The following GRIK2 variants were observed in gnomAD, a reference collection of about 807,000 sequenced individuals.
GRIK2 encodes the protein glutamate ionotropic receptor kainate type subunit 2, also known as glutamate receptor ionotropic, kainate 2.
GRIK2 carries 32 observed loss-of-function variants against 100.3 expected under a neutral mutation model. The observed-to-expected ratio is 0.32, with a 90% CI of 0.24 to 0.43. The LOEUF is 0.43. Among genes scored for constraint, GRIK2 ranks in the 20% least tolerant of loss-of-function variants. GRIK2 has a pLI of 1.00. For synonymous variants in GRIK2, 417 were observed against 389.4 expected (o/e 1.07, Z -0.83); for missense variants, 843 against 1,114.9 (o/e 0.76, Z 3.47).
At chr6:101,616,622 G>A (rs187974873) in intron 2 of GRIK2, among the ~76,000 whole-genome samples, 2 of 151,752 alleles carry the variant, frequency 1.3e-5, no homozygotes, top group African/African-American at 4.8e-5. Context: ...GAACATCCTT[G>A]CAGCTAAATC....
At chr6:101,651,441 C>G (rs909429167) in intron 4 of GRIK2, among the ~76,000 whole-genome samples, 2 of 152,026 alleles carry the variant, frequency 1.3e-5, no homozygotes, top group Admixed American at 6.6e-5. Context: ...TCCCTGCCTC[C>G]CTGGAGTTTA....
At chr6:101,847,989 G>A (rs1783905970) in intron 10 of GRIK2, among the ~76,000 whole-genome samples, 1 of 152,068 alleles carries the variant, frequency 6.6e-6, no homozygotes, top group African/African-American at 2.4e-5. Context: ...CCTTAGGGAA[G>A]CTCCTTATGC....
At chr6:101,710,223 G>A (rs1429094538) in intron 7 of GRIK2, among the ~76,000 whole-genome samples, 1 of 151,756 alleles carries the variant, frequency 6.6e-6, no homozygotes, top group East Asian at 1.9e-4. Flanking sequence ...GTGATGACAA[G>A]GCAGTTGTAG....
chr6:101,954,896 G>A (rs1252001364), intron 14 of GRIK2, among the ~76,000 whole-genome samples: 1 of 152,064 alleles, frequency 6.6e-6, no homozygotes, highest in Non-Finnish European at 1.5e-5. Flanking sequence ...TTGATTGAGT[G>A]CTTTTCAATC....
intron 11 of GRIK2, among the ~76,000 whole-genome samples, chr6:101,879,678 AT>A (rs34632401): frequency 2.0e-4 from 30 of 147,198 alleles, no homozygotes; most frequent in Admixed American, 2.0e-4. Context: ...ATCTCACTAC[AT>A]TTTTTTTTTT....
chr6:101,889,617 T>TTTTTTTTTTTTTTTTTTTTTTTTTTA, intron 11 of GRIK2, 23 bp from the exon 12 acceptor site: 1 of 1,049,994 alleles, frequency 9.5e-7, no homozygotes. Context: ...TTTTTTTTTT[T>TTTTTTTTTTTTTTTTTTTTTTTTTTA]TTTTGTTTGT....
chr6:101,469,320 A>G (rs1451887078), intron 2 of GRIK2, among the ~76,000 whole-genome samples: 1 of 152,198 alleles, frequency 6.6e-6, no homozygotes, highest in South Asian at 2.1e-4. Context: ...AAGAGAAGAC[A>G]GCTACCTTTC....
At chr6:102,009,463 C>T (rs1795407456) in intron 14 of GRIK2, among the ~76,000 whole-genome samples, 1 of 152,066 alleles carries the variant, frequency 6.6e-6, no homozygotes, top group South Asian at 2.1e-4. Flanking sequence ...TAAGGTTCTT[C>T]ATGCATCTCC....
At chr6:101,506,366 C>T (rs999079635) in intron 2 of GRIK2, among the ~76,000 whole-genome samples, 5 of 152,074 alleles carry the variant, frequency 3.3e-5, no homozygotes, top group African/African-American at 1.2e-4. Flanking sequence ...TTGCCTTAAT[C>T]CTTTAATATA....
chr6:101,787,489 T>A (rs569344437), intron 7 of GRIK2, among the ~76,000 whole-genome samples: 63 of 152,252 alleles, frequency 4.1e-4, no homozygotes, highest in Middle Eastern at 6.8e-3. Flanking sequence ...TGTGTTTTGA[T>A]GTGTTGTGTT....
chr6:101,784,843 C>T (rs1779324397), intron 7 of GRIK2, among the ~76,000 whole-genome samples: 1 of 152,112 alleles, frequency 6.6e-6, no homozygotes, highest in Non-Finnish European at 1.5e-5. Context: ...TTCAATTAAA[C>T]CTCTTTTGTT....
At chr6:102,020,145 A>G (rs1769348630) in intron 14 of GRIK2, among the ~76,000 whole-genome samples, 3 of 151,900 alleles carry the variant, frequency 2.0e-5, no homozygotes, top group African/African-American at 4.8e-5. Flanking sequence ...TGTCTTTGAT[A>G]TGATTGCTAA....
chr6:101,677,014 A>G (rs930835493), intron 5 of GRIK2, among the ~76,000 whole-genome samples: 2 of 152,118 alleles, frequency 1.3e-5, no homozygotes, highest in Non-Finnish European at 2.9e-5. Flanking sequence ...GGTTGTTGGA[A>G]GTTTGGAGGT....
chr6:101,895,184 G>A (rs903787312), intron 12 of GRIK2, among the ~76,000 whole-genome samples: 1 of 151,710 alleles, frequency 6.6e-6, no homozygotes. Flanking sequence ...AGCTAGAAGA[G>A]TAAATCAAAG....
intron 7 of GRIK2, among the ~76,000 whole-genome samples, chr6:101,699,016 A>G (rs1772691084): frequency 6.6e-6 from 1 of 152,116 alleles, no homozygotes; most frequent in South Asian, 2.1e-4. Context: ...AAACTCAGAA[A>G]CTTGATCAGG....
At chr6:101,398,474 A>C (rs578195872) in intron 1 of GRIK2, among the ~76,000 whole-genome samples, 1 of 152,346 alleles carries the variant, frequency 6.6e-6, no homozygotes, top group East Asian at 1.9e-4. Context: ...TGGTCAAAAT[A>C]AAAGTATAAA....
intron 7 of GRIK2, among the ~76,000 whole-genome samples, chr6:101,711,914 A>G (rs1773723996): frequency 6.6e-6 from 1 of 151,798 alleles, no homozygotes; most frequent in African/African-American, 2.4e-5. Context: ...ACATTTAGAA[A>G]AGGTTCTTAT....
At chr6:101,629,113 A>G (rs189295691) in intron 4 of GRIK2, among the ~76,000 whole-genome samples, 98 of 152,246 alleles carry the variant, frequency 6.4e-4, no homozygotes, top group Non-Finnish European at 1.3e-3. Context: ...ATGTATAGCT[A>G]GTTGATTATA....
chr6:101,518,824 CTTT>C (rs1474627998), intron 2 of GRIK2, among the ~76,000 whole-genome samples: 1 of 152,094 alleles, frequency 6.6e-6, no homozygotes, highest in Non-Finnish European at 1.5e-5. Context: ...CAGGAACCCA[CTTT>C]AGGAAGTGCT....
Sources: allele counts gnomAD v4.1 joint callset (sites outside exome capture counted in the v4.1 genomes callset), GRCh38; gene constraint gnomAD v4.1.1; transcripts MANE v1.5; gene names NCBI Gene and HGNC (gene_info 2026-07-23, HGNC 2026-07-21).